Variants in SLC15A1 observed in about 807,000 individuals in gnomAD.
SLC15A1 encodes Caco-2 oligopeptide transporter.
Under a neutral mutation model 92.9 loss-of-function variants are expected in SLC15A1, and 83 were observed. The ratio of observed to expected loss-of-function variants is 0.89; its 90% confidence interval spans 0.75 to 1.07. The LOEUF (loss-of-function observed/expected upper bound fraction) is 1.07, where lower values mean the gene tolerates loss of function less well. Ranked by LOEUF, SLC15A1 falls within the 50% of genes least tolerant of loss-of-function variation. SLC15A1 has a pLI of 0.00. For missense variants in SLC15A1, 857 were observed against 880.1 expected (o/e 0.97, Z 0.33); for synonymous variants, 322 against 318.2 (o/e 1.01, Z -0.13).
chr13:98,725,878 A>T (rs1167873190), intron 4 of SLC15A1, among the ~76,000 whole-genome samples: 1 of 152,084 alleles, frequency 6.6e-6, no homozygotes, highest in Non-Finnish European at 1.5e-5. Flanking sequence ...GGTGTATGCC[A>T]CTATGCCTTG....
chr13:98,717,089 T>TA (rs1317107323), intron 8 of SLC15A1, among the ~76,000 whole-genome samples: 3 of 152,214 alleles, frequency 2.0e-5, no homozygotes, highest in African/African-American at 7.2e-5. Context: ...ATAGTCCATA[T>TA]ACTAGGATTT....
At chr13:98,740,283 C>G (rs947236265) in intron 1 of SLC15A1, among the ~76,000 whole-genome samples, 3 of 152,214 alleles carry the variant, frequency 2.0e-5, no homozygotes, top group African/African-American at 7.2e-5. Flanking sequence ...GGCCCCTGTC[C>G]AGGGTCACCC....
At chr13:98,750,363 G>A (rs1235103152) in intron 1 of SLC15A1, among the ~76,000 whole-genome samples, 2 of 152,014 alleles carry the variant, frequency 1.3e-5, no homozygotes, top group Admixed American at 6.5e-5. Flanking sequence ...CGCCCGCCTC[G>A]GCCTCCCAAA....
In SLC15A1 at chr13:98,688,573, C is replaced by G; in HGVS notation, c.1471G>C (p.Val491Leu). 2 of 1,611,550 alleles carry G rather than the reference C, an allele frequency of 1.2e-6. No homozygotes were observed. The highest frequency in any genetic ancestry group is 1.7e-6 in the Non-Finnish European group (2 of 1,177,886). Residue 491 changes from valine to leucine, a missense_variant, in exon 19 of 23, where the codon GTA becomes CTA. Val to Leu is a conservative substitution (Grantham distance 32). Transcript: ENST00000376503. ...PEKGENGIRF[V>L]NTFNELITIT... is the part of the protein sequence containing the mutation. ...GTGATGAGCTCGTTAAAAGTATTTA[C>G]AAATCTGAAACAGAAAACCATCTGT... is the stretch of plus-strand genomic sequence containing the variant.
chr13:98,740,211 G>A (rs1014662691), intron 1 of SLC15A1, among the ~76,000 whole-genome samples: 4 of 152,176 alleles, frequency 2.6e-5, no homozygotes, highest in African/African-American at 9.7e-5. Context: ...CTGTCACTCC[G>A]AAGCCATGCT....
chr13:98,703,164 A>AGAAG (rs1281363952), intron 17 of SLC15A1, among the ~76,000 whole-genome samples: 12 of 129,892 alleles, frequency 9.2e-5, no homozygotes, highest in Middle Eastern at 3.7e-3. Flanking sequence ...ATGGACGGAC[A>AGAAG]GAAGGAAGGA....
chr13:98,688,546 T>C lies in SLC15A1; in HGVS notation c.1498A>G (p.Ile500Val), dbSNP rs764626300. 46 of 1,613,904 alleles carry C rather than the reference T, an allele frequency of 2.9e-5. No individual in the cohort carries two copies. In the South Asian group the frequency reaches 4.7e-4, roughly 17 times the overall value. ...FVNTFNELIT[I>V]TMSGKVYANI... ...GCATAAACTTTCCCACTCATTGTGA[T>C]GGTGATGAGCTCGTTAAAAGTATTT... The change falls in exon 19 of 23, where the codon ATC (isoleucine) becomes GTC (valine). Residue 500 changes from isoleucine to valine, a missense_variant. By Grantham distance (29) the Ile-to-Val change is conservative. Transcript: ENST00000376503.
In SLC15A1 at chr13:98,726,160, C is replaced by T. The variant is rs533397969; in HGVS notation, c.208G>A (p.Gly70Arg). Reference protein sequence around the residue: ...VALCYLTPILGALIADSWLGK... With the variant: ...VALCYLTPILRALIADSWLGK... ...AGCCACGAGTCGGCGATAAGAGCTC[C>T]GAGAATTGGCGTCAGGTAGCACAGA... Residue 70 changes from glycine to arginine, a missense_variant, in exon 4 of 23, where the codon GGA (glycine) becomes AGA (arginine). Coordinates refer to ENST00000376503, the MANE Select transcript of SLC15A1 (RefSeq NM_005073.4). The T allele has an allele frequency of 1.2e-5, 19 of 1,614,064 alleles. No individual in the cohort carries two copies. The highest frequency in any genetic ancestry group is 1.6e-4 in the Middle Eastern group (1 of 6,062).
At chr13:98,708,940 G>A (rs1211771464) in intron 14 of SLC15A1, among the ~76,000 whole-genome samples, 173 bp from the exon 15 acceptor site, 2 of 150,430 alleles carry the variant, frequency 1.3e-5, no homozygotes, top group Non-Finnish European at 2.9e-5. Context: ...AGGATAAGTG[G>A]AATATAGCTT....
intron 16 of SLC15A1, among the ~76,000 whole-genome samples, chr13:98,705,506 GT>G (rs898450472): frequency 6.6e-6 from 1 of 152,148 alleles, no homozygotes; most frequent in African/African-American, 2.4e-5. Context: ...ATCTCCCCCA[GT>G]TTAGATCCTT....
At chr13:98,696,306 C>T (rs1389682834) in intron 18 of SLC15A1, among the ~76,000 whole-genome samples, 2 of 136,438 alleles carry the variant, frequency 1.5e-5, no homozygotes, top group Non-Finnish European at 3.1e-5. Context: ...CCCAGCTACT[C>T]GGAAGGCTGA....
chr13:98,740,382 C>T (rs1243523852), intron 1 of SLC15A1, among the ~76,000 whole-genome samples: 5 of 152,190 alleles, frequency 3.3e-5, no homozygotes, highest in African/African-American at 1.2e-4. Context: ...CCAAACCTTG[C>T]GTGCTCTCTC....
chr13:98,741,748 C>T (rs1317692959), intron 1 of SLC15A1, among the ~76,000 whole-genome samples: 2 of 151,524 alleles, frequency 1.3e-5, no homozygotes, highest in African/African-American at 2.4e-5. Context: ...AAAAAAAGGC[C>T]TCCTTTTCCA....
chr13:98,703,752 C>T (rs1443333276), intron 17 of SLC15A1, among the ~76,000 whole-genome samples: 1 of 151,796 alleles, frequency 6.6e-6, no homozygotes, highest in Non-Finnish European at 1.5e-5. Flanking sequence ...AGACAGGGGT[C>T]TCACTGCGTT....
At position 98,685,390 on chromosome 13, in the gene SLC15A1, C is replaced by T. The variant is rs1049036900; in HGVS notation, c.1936-475G>A. 1.9e-4 allele frequency among the ~76,000 whole-genome samples: 29 copies of T among 152,276 alleles called. 1 individual carries two copies. In the Middle Eastern group the frequency reaches 0.017, roughly 89 times the overall value. On this transcript the variant is annotated intron_variant, in intron 22 of 22. Coordinates refer to ENST00000376503, the MANE Select transcript of SLC15A1 (RefSeq NM_005073.4). ...GGACCTGGTGCAGGAAGTCATGAAA[C>T]GGATGGGATAACAGCTCCCTTATGA...
At position 98,683,869 on chromosome 13, in the gene SLC15A1, G is replaced by A. The variant is rs1396364826; in HGVS notation, c.*855C>T. On this transcript the variant is annotated 3_prime_UTR_variant, in exon 23 of 23. Coordinates refer to ENST00000376503, the MANE Select transcript of SLC15A1 (RefSeq NM_005073.4). ...ATCATTACTGGCCTTCACCTGAGCT[G>A]TCTTTCGAGTTATCCATAATTTAAA... 1 of 152,154 alleles carries A rather than the reference G, an allele frequency of 6.6e-6. No individual in the cohort carries two copies. Among genetic ancestry groups the A allele is most frequent in the Non-Finnish European group, 1.5e-5 (1 of 68,036 alleles). The allele number at this position is 152,154 out of a possible 1,614,324, so 9.4% of individuals were successfully genotyped here.
chr13:98,721,494 C>T lies in SLC15A1; in HGVS notation c.556+1G>A, dbSNP rs1446705178. ...AGAAGTTCCTTTCAGGTATCTCTTA[C>T]CTCTGAGCATGGGTGTGATGATTGT... On this transcript the variant is annotated splice_donor_variant, in intron 7 of 22. Transcript: ENST00000376503. LOFTEE classifies it high-confidence loss of function. The T allele has an allele frequency of 1.2e-6, 2 of 1,609,954 alleles. No homozygotes were observed. The highest frequency in any genetic ancestry group is 2.2e-5 in the South Asian group (2 of 90,922).
chr13:98,722,223 T>C (rs1046954365), intron 5 of SLC15A1, among the ~76,000 whole-genome samples: 4 of 152,228 alleles, frequency 2.6e-5, no homozygotes, highest in African/African-American at 7.2e-5. Flanking sequence ...AAATGAAATG[T>C]TATTGAACAA....
rs1274555633 is a variant in SLC15A1 at position 98,687,634 on chromosome 13, T to A, written c.1774A>T (p.Thr592Ser). The A allele has an allele frequency of 6.2e-7, 1 of 1,614,064 alleles. No homozygotes were observed. The highest frequency in any genetic ancestry group is 1.1e-5 in the South Asian group (1 of 91,072). Reference sequence around the variant, plus strand: ...ACAGAGAAGACCACTTCGCCACAGGTGAGAAGAAAATACTGCGGGATTTGC... The same window carrying A: ...ACAGAGAAGACCACTTCGCCACAGGAGAGAAGAAAATACTGCGGGATTTGC... ...ALQIPQYFLL[T>S]CGEVVFSVTG... Residue 592 changes from threonine (T) to serine (S), a missense_variant, in exon 21 of 23, where the codon ACC becomes TCC. Thr to Ser is a moderately conservative substitution (Grantham distance 58). Transcript: ENST00000376503.
Sources: gnomAD v4.1 joint callset for allele counts (sites outside exome capture counted in the v4.1 genomes callset) on GRCh38, gnomAD v4.1.1 for gene constraint, MANE v1.5 for transcripts, NCBI Gene and HGNC (gene_info 2026-07-23, HGNC 2026-07-21) for gene names.